Variants in CMTM8 observed in about 807,000 individuals in gnomAD.
CMTM8 encodes the protein CKLF-like MARVEL transmembrane domain-containing protein 8.
CMTM8 carries 12 observed loss-of-function variants against 18.6 expected under a neutral mutation model. The ratio of observed to expected loss-of-function variants is 0.65; its 90% CI spans 0.41 to 1.05. The LOEUF is 1.05. CMTM8 is among the 50% of genes least tolerant of loss of function. The pLI is 0.00. For synonymous variants in CMTM8, 87 were observed against 90.6 expected, an observed-to-expected ratio of 0.96 and a Z score of 0.23; for missense variants, 217 against 227.2, an observed-to-expected ratio of 0.95 and a Z score of 0.29.
At chr3:32,359,147 T>C (rs1398968383) in intron 2 of CMTM8, among the ~76,000 whole-genome samples, 1 of 152,184 alleles carries the variant, frequency 6.6e-6, no homozygotes, top group East Asian at 1.9e-4. Flanking sequence ...AGATCAGCAA[T>C]TGGCATGCTG....
chr3:32,260,685 C>T (rs1243716104), intron 1 of CMTM8, among the ~76,000 whole-genome samples: 4 of 148,086 alleles, frequency 2.7e-5, no homozygotes, highest in African/African-American at 9.9e-5. Context: ...TTTTTTCCCC[C>T]TGTTTTCACA....
In CMTM8 at chr3:32,358,130, G is replaced by A. The variant is rs1282810999; in HGVS notation, c.321+584G>A. On this transcript the variant is annotated intron_variant, in intron 2 of 3. Coordinates refer to ENST00000307526, the MANE Select transcript of CMTM8 (RefSeq NM_178868.5). This position sits in a 1 kb window ranked among gnomAD's most constrained non-coding sequence, Gnocchi z 4.1. ...TGCAGGATGGTGAACATGTGGTCCA[G>A]GGTAAATAGATAAGAAAATGAGTAG... Among the ~76,000 whole-genome samples the A allele has an allele frequency of 1.3e-5, 2 of 152,212 alleles. No homozygotes were observed. Among genetic ancestry groups the A allele is most frequent in the African/African-American group, 4.8e-5 (2 of 41,452 alleles).
intron 1 of CMTM8, chr3:32,259,566 T>C: frequency 1.2e-6 from 1 of 852,090 alleles, no homozygotes; most frequent in Middle Eastern, 3.3e-4. Flanking sequence ...AAGAAGGAAC[T>C]GCTCTTCATG....
intron 3 of CMTM8, among the ~76,000 whole-genome samples, chr3:32,369,155 A>G (rs1575099626): frequency 3.5e-5 from 2 of 56,980 alleles, no homozygotes; most frequent in African/African-American, 1.4e-4. Context: ...CTAAAAATAC[A>G]AAAAAAAAAT....
At chr3:32,317,324 A>G (rs1440235238) in intron 1 of CMTM8, among the ~76,000 whole-genome samples, 1 of 152,240 alleles carries the variant, frequency 6.6e-6, no homozygotes, top group East Asian at 1.9e-4. Context: ...AGTATGGACA[A>G]TTGTGATTAC....
intron 1 of CMTM8, among the ~76,000 whole-genome samples, chr3:32,326,476 T>G (rs1696158274): frequency 6.6e-6 from 1 of 151,512 alleles, no homozygotes; most frequent in Non-Finnish European, 1.5e-5. Flanking sequence ...CGGCCTGGAG[T>G]ACAACTGCTT....
At chr3:32,367,162 C>G (rs1182295657) in intron 2 of CMTM8, among the ~76,000 whole-genome samples, 1 of 152,198 alleles carries the variant, frequency 6.6e-6, no homozygotes, top group Non-Finnish European at 1.5e-5. Context: ...TCACCCCTGC[C>G]TCTCCCCTGT....
intron 1 of CMTM8, among the ~76,000 whole-genome samples, chr3:32,264,271 C>A (rs1188506799): frequency 4.6e-5 from 7 of 152,182 alleles, no homozygotes; most frequent in Non-Finnish European, 1.0e-4. Context: ...ACTCTACAAG[C>A]CAGAAGAGAG....
chr3:32,258,936 C>T, intron 1 of CMTM8: 1 of 317,558 alleles, frequency 3.1e-6, no homozygotes, highest in Non-Finnish European at 6.1e-6. Flanking sequence ...TGCCCCCGGA[C>T]AGCGTGAGCT....
intron 1 of CMTM8, among the ~76,000 whole-genome samples, chr3:32,282,708 A>C (rs1702626461): frequency 6.6e-6 from 1 of 152,126 alleles, no homozygotes. Context: ...GGAGTGAGAG[A>C]GCCAGTCTGT....
chr3:32,310,718 GA>G (rs1217262182), intron 1 of CMTM8, among the ~76,000 whole-genome samples: 1 of 148,934 alleles, frequency 6.7e-6, no homozygotes, highest in African/African-American at 2.4e-5. Context: ...AATAAACTAG[GA>G]AATACTCTGA....
At chr3:32,260,920 C>A (rs1036912447) in intron 1 of CMTM8, among the ~76,000 whole-genome samples, 1 of 151,930 alleles carries the variant, frequency 6.6e-6, no homozygotes, top group Non-Finnish European at 1.5e-5. Flanking sequence ...AAGGTCTTTC[C>A]CAGTCTAAAA....
intron 1 of CMTM8, among the ~76,000 whole-genome samples, chr3:32,325,738 C>T (rs17029220): frequency 0.1 from 15,776 of 152,242 alleles, 1,042 homozygotes; most frequent in East Asian, 0.26. Flanking sequence ...GACAGTGCTT[C>T]TTCCCTACCT....
At chr3:32,356,038 C>G (rs1297708499) in intron 1 of CMTM8, among the ~76,000 whole-genome samples, 1 of 152,158 alleles carries the variant, frequency 6.6e-6, no homozygotes, top group Non-Finnish European at 1.5e-5. Flanking sequence ...TCAGGTATTT[C>G]CCTCCACTAG....
At chr3:32,244,782 G>A (rs1272899494) in intron 1 of CMTM8, among the ~76,000 whole-genome samples, 1 of 152,042 alleles carries the variant, frequency 6.6e-6, no homozygotes, top group African/African-American at 2.4e-5. Context: ...TTCTTTGTCT[G>A]TCTTTCCACA....
chr3:32,367,197 T>C (rs189522977), intron 2 of CMTM8, among the ~76,000 whole-genome samples: 2 of 152,204 alleles, frequency 1.3e-5, no homozygotes, highest in African/African-American at 2.4e-5. Context: ...CAGCTTTGCA[T>C]GGTTTCCTAT....
At position 32,367,858 on chromosome 3, in the gene CMTM8, C is replaced by G. The variant is rs1697068594; in HGVS notation, c.322-14C>G. 1 of 1,589,304 alleles carries G rather than the reference C, an allele frequency of 6.3e-7. No individual in the cohort carries two copies. The highest frequency in any genetic ancestry group is 1.3e-5 in the African/African-American group (1 of 74,352). On this transcript the variant is annotated splice_polypyrimidine_tract_variant and intron_variant, in intron 2 of 3. Coordinates refer to ENST00000307526, the MANE Select transcript of CMTM8 (RefSeq NM_178868.5). ...TCCCCTCTCCCTAAACACTCTGCCC[C>G]TGTGTCCCCCCAGGGCCTGTGCTTT... is the stretch of plus-strand genomic sequence containing the variant.
chr3:32,272,222 T>A (rs556723210), intron 1 of CMTM8, among the ~76,000 whole-genome samples: 3 of 152,208 alleles, frequency 2.0e-5, no homozygotes, highest in Non-Finnish European at 4.4e-5. Flanking sequence ...TTTTTTAAAT[T>A]TAGCTACTTT....
intron 1 of CMTM8, among the ~76,000 whole-genome samples, chr3:32,295,853 T>A (rs1702869723): frequency 6.6e-6 from 1 of 152,192 alleles, no homozygotes. Context: ...TGCCTGGATA[T>A]CTATCCACCC....
Sources: gnomAD v4.1 joint callset for allele counts (sites outside exome capture counted in the v4.1 genomes callset) on GRCh38, gnomAD v4.1.1 for gene constraint, Gnocchi (gnomAD v3.1) non-coding constraint, MANE v1.5 for transcripts, NCBI Gene and HGNC (gene_info 2026-07-23, HGNC 2026-07-21) for gene names.